The following DCLK3 variants were observed in gnomAD, a reference collection of about 807,000 sequenced individuals.
DCLK3 encodes the protein doublecortin like kinase 3.
Under a neutral mutation model 46.4 loss-of-function variants are expected in DCLK3, and 30 were observed. The observed-to-expected ratio is 0.65, with a 90% CI of 0.48 to 0.88. The LOEUF (loss-of-function observed/expected upper bound fraction) is 0.88, where lower values mean the gene tolerates loss of function less well. Ranked by LOEUF, DCLK3 falls within the 40% of genes least tolerant of loss-of-function variation. DCLK3 has a pLI of 0.00. For synonymous variants in DCLK3, 401 were observed against 339.2 expected (o/e 1.18, Z -2.00); for missense variants, 846 against 907.1 (o/e 0.93, Z 0.87).
chr3:36,720,113 T>C (rs911800870), intron 3 of DCLK3, among the ~76,000 whole-genome samples: 2 of 152,082 alleles, frequency 1.3e-5, no homozygotes, highest in Non-Finnish European at 2.9e-5. Flanking sequence ...TCATGAATGG[T>C]TTAGTACCAT....
chr3:36,737,360 C>A lies in DCLK3; in HGVS notation c.1807G>T (p.Val603Leu), dbSNP rs369687833. The A allele has an allele frequency of 1.9e-6, 3 of 1,614,046 alleles. No individual in the cohort carries two copies. Among genetic ancestry groups the A allele is most frequent in the Non-Finnish European group, 2.5e-6 (3 of 1,180,036 alleles). The change falls in exon 2 of 5, where the codon GTG becomes TTG. Residue 603 changes from valine (V) to leucine (L), a missense_variant. Val to Leu is a conservative substitution (Grantham distance 32, BLOSUM62 1). Coordinates refer to ENST00000636136, the MANE Select transcript of DCLK3 (RefSeq NM_001394672.2). The surrounding 1 kb of genome is among the most constrained non-coding windows in gnomAD (Gnocchi z 4.4). ...GCGTCAAAAAGGTCTCCTCCCTGCA[C>A]GTACTCCAGGATCAGGTAGATTTCC... ...DMEIYLILEYVQGGDLFDAII... is the reference protein window; with the variant it reads ...DMEIYLILEYLQGGDLFDAII...
chr3:36,742,102 C>T (rs1384561115), intron 1 of DCLK3, among the ~76,000 whole-genome samples: 1 of 152,148 alleles, frequency 6.6e-6, no homozygotes, highest in Non-Finnish European at 1.5e-5. Flanking sequence ...AGGCATAAAG[C>T]AGTGTTCATG....
rs1409277301 is a variant in DCLK3 at position 36,756,825 on chromosome 3, C to G, written c.82+7357G>C. Among the ~76,000 whole-genome samples the G allele has an allele frequency of 2.0e-5, 3 of 151,868 alleles. No homozygotes were observed. In the South Asian group the frequency reaches 6.3e-4, roughly 32 times the overall value. ...GGATGAAAAAACATGGTGCCATCCT[C>G]AAGTGGCATGTGGTGTCTGGGGGTG... On this transcript the variant is annotated intron_variant, in intron 1 of 4. Transcript: ENST00000636136.
chr3:36,732,479 A>G (rs1701210400), intron 2 of DCLK3, among the ~76,000 whole-genome samples: 1 of 152,202 alleles, frequency 6.6e-6, no homozygotes, highest in South Asian at 2.1e-4. Context: ...CATAACTGCA[A>G]TGATTTCTGA....
intron 1 of DCLK3, among the ~76,000 whole-genome samples, chr3:36,745,698 A>C (rs1209327430): frequency 6.6e-6 from 1 of 152,234 alleles, no homozygotes; most frequent in Non-Finnish European, 1.5e-5. Flanking sequence ...AGATAGAGAA[A>C]GACTGGCTGA....
intron 2 of DCLK3, among the ~76,000 whole-genome samples, chr3:36,732,832 G>T (rs1383451016): frequency 6.6e-6 from 1 of 152,172 alleles, no homozygotes; most frequent in African/African-American, 2.4e-5. Flanking sequence ...GCTGATCAAG[G>T]AGAATTATGC....
At chr3:36,725,080 C>A (rs1701109171) in intron 2 of DCLK3, among the ~76,000 whole-genome samples, 1 of 151,540 alleles carries the variant, frequency 6.6e-6, no homozygotes, top group South Asian at 2.1e-4. Context: ...TTTGGGAGGC[C>A]AAGACGGGCG....
In DCLK3 at chr3:36,721,697, G is replaced by T. The variant is rs375010898; in HGVS notation, c.1960-38C>A. ...AAAATCCCCAAACCACCAAAATTGT[G>T]ATTAGAACAAAGAAGGGATACTAAT... On this transcript the variant is annotated intron_variant, in intron 2 of 4. Transcript: ENST00000636136. 5 of 1,613,592 alleles carry T rather than the reference G, an allele frequency of 3.1e-6. No individual in the cohort carries two copies. In the Admixed American group the frequency reaches 6.7e-5, roughly 22 times the overall value.
intron 1 of DCLK3, among the ~76,000 whole-genome samples, 171 bp from the exon 2 acceptor site, chr3:36,739,255 T>G (rs1701317999): frequency 6.6e-6 from 1 of 151,950 alleles, no homozygotes; most frequent in Non-Finnish European, 1.5e-5. Context: ...TAATTCCCAG[T>G]CTCCTCTACA....
chr3:36,762,752 C>T (rs973583497), intron 1 of DCLK3, among the ~76,000 whole-genome samples: 4 of 152,128 alleles, frequency 2.6e-5, no homozygotes, highest in African/African-American at 9.7e-5. Context: ...CCAATACGCA[C>T]CAAGATGGCA....
At chr3:36,725,010 T>C (rs1327870699) in intron 2 of DCLK3, among the ~76,000 whole-genome samples, 1 of 119,950 alleles carries the variant, frequency 8.3e-6, no homozygotes, top group Non-Finnish European at 2.1e-5. Flanking sequence ...TGTTTTCTCA[T>C]TTGTTAAAAA....
chr3:36,748,247 C>T (rs1701409975), intron 1 of DCLK3, among the ~76,000 whole-genome samples: 1 of 152,190 alleles, frequency 6.6e-6, no homozygotes, highest in South Asian at 2.1e-4. Context: ...GAGGAGATAA[C>T]AGGCCTGGGG....
At position 36,738,141 on chromosome 3, in the gene DCLK3, A is replaced by G. The variant is rs746538239; in HGVS notation, c.1026T>C (p.Asp342=). The change falls in exon 2 of 5, where the codon GAT becomes GAC. Residue 342 remains aspartate, a synonymous_variant. Transcript: ENST00000636136. ...ELDMGKGPMY[D]VEKLVRTRSC... ...TTCTGGTCCTCACCAGCTTCTCCAC[A>G]TCATACATTGGGCCCTTCCCCATAT... 2 of 1,613,820 alleles carry G rather than the reference A, an allele frequency of 1.2e-6. No individual in the cohort carries two copies. Among genetic ancestry groups the G allele is most frequent in the Admixed American group, 1.7e-5 (1 of 59,964 alleles).
intron 3 of DCLK3, among the ~76,000 whole-genome samples, chr3:36,720,504 C>CA (rs1701041196): frequency 7.7e-6 from 1 of 129,302 alleles, no homozygotes; most frequent in African/African-American, 2.9e-5. Context: ...ATCTCCTCAT[C>CA]TTTTTTTTTT....
rs529674746 is a variant in DCLK3, at chr3:36,716,154, A to G, written c.2261-633T>C. ...CTGATTTTAGAGAAATGAGGGCCCA[A>G]CTGGTGGGCCCAGCAGCAGGCAGAA... On this transcript the variant is annotated intron_variant, in intron 4 of 4. Coordinates refer to ENST00000636136, the MANE Select transcript of DCLK3 (RefSeq NM_001394672.2). 2.6e-3 allele frequency among the ~76,000 whole-genome samples: 390 copies of G among 152,316 alleles called. 2 individuals carry two copies. Among genetic ancestry groups the G allele is most frequent in the African/African-American group, 8.9e-3 (369 of 41,562 alleles).
At chr3:36,759,508 C>T (rs760768255) in intron 1 of DCLK3, among the ~76,000 whole-genome samples, 4 of 152,176 alleles carry the variant, frequency 2.6e-5, no homozygotes, top group Non-Finnish European at 4.4e-5. Context: ...AAGTAACCTT[C>T]GTTGAGTTAA....
In DCLK3 at chr3:36,738,592, G is replaced by C; in HGVS notation, c.575C>G (p.Ala192Gly). Residue 192 changes from alanine (A) to glycine (G), a missense_variant, in exon 2 of 5, where the codon GCC (alanine) becomes GGC (glycine). Physicochemically the swap from Ala to Gly is moderately conservative, Grantham distance 60. Coordinates refer to ENST00000636136, the MANE Select transcript of DCLK3 (RefSeq NM_001394672.2). The part of the protein sequence containing the change: ...VAVEELYPNK[A>G]RALTLAQHSR... ...GTGCTGGGCCAGTGTCAGGGCCCGGGCTTTGTTGGGGTACAGTTCTTCTAC... is the reference window on the plus strand; with the variant it reads ...GTGCTGGGCCAGTGTCAGGGCCCGGCCTTTGTTGGGGTACAGTTCTTCTAC... 1.4e-6 allele frequency: 2 copies of C among 1,405,280 alleles called. No individual in the cohort carries two copies. Among genetic ancestry groups the C allele is most frequent in the Non-Finnish European group, 1.9e-6 (2 of 1,076,350 alleles). 87.1% of individuals were successfully genotyped at this position (1,405,280 alleles called of 1,614,324 possible).
chr3:36,743,512 C>T (rs897755156), intron 1 of DCLK3, among the ~76,000 whole-genome samples: 8 of 151,976 alleles, frequency 5.3e-5, no homozygotes, highest in African/African-American at 1.7e-4. Context: ...CAACCATGTC[C>T]CAGGAAGTAA....
chr3:36,717,443 T>C (rs1700998272), intron 4 of DCLK3, among the ~76,000 whole-genome samples: 1 of 152,148 alleles, frequency 6.6e-6, no homozygotes, highest in Admixed American at 6.6e-5. Context: ...TCCCCAATTA[T>C]CTAGTTCCCA....
Sources: gnomAD v4.1 joint callset for allele counts (sites outside exome capture counted in the v4.1 genomes callset) on GRCh38, gnomAD v4.1.1 for gene constraint, Gnocchi (gnomAD v3.1) non-coding constraint, MANE v1.5 for transcripts, NCBI Gene and HGNC (gene_info 2026-07-23, HGNC 2026-07-21) for gene names.